CNTN5: variants seen among roughly 807,000 people sequenced by gnomAD.
CNTN5 encodes the protein contactin 5, also known as contactin-5.
In CNTN5, 77 loss-of-function variants were observed where a neutral mutation model predicts 129.1. That is an observed-to-expected ratio of 0.60 (90% CI 0.50 to 0.72). The LOEUF (loss-of-function observed/expected upper bound fraction) is 0.72. CNTN5 is among the 30% of genes least tolerant of loss of function. The probability of loss-of-function intolerance (pLI) is 0.00; values close to 1 mark genes in which losing one functional copy is unlikely to be tolerated. For missense variants in CNTN5, 1,478 were observed against 1,328.8 expected, an observed-to-expected ratio of 1.11 and a Z score of -1.75; for synonymous variants, 509 against 465.6, an observed-to-expected ratio of 1.09 and a Z score of -1.20.
At chr11:99,145,780 C>CT (rs1859756185) in intron 1 of CNTN5, among the ~76,000 whole-genome samples, 1 of 152,066 alleles carries the variant, frequency 6.6e-6, no homozygotes, top group East Asian at 1.9e-4. Context: ...TCCTCCTCAA[C>CT]TGATTATCTA....
intron 9 of CNTN5, among the ~76,000 whole-genome samples, chr11:100,019,444 A>G (rs936010735): frequency 6.6e-6 from 1 of 151,994 alleles, no homozygotes; most frequent in African/African-American, 2.4e-5. Flanking sequence ...ATCATGCAAT[A>G]TTCGCGTTTC....
chr11:99,303,059 TATAA>T (rs1864714403), intron 1 of CNTN5, among the ~76,000 whole-genome samples: 2 of 151,932 alleles, frequency 1.3e-5, no homozygotes, highest in Non-Finnish European at 3.0e-5. Context: ...CACAAAATTA[TATAA>T]ATAACTAGTC....
chr11:99,054,393 T>C (rs1162815266), intron 1 of CNTN5, among the ~76,000 whole-genome samples: 1 of 151,926 alleles, frequency 6.6e-6, no homozygotes, highest in Non-Finnish European at 1.5e-5. Context: ...GGGCCTTACT[T>C]TGAACTCATT....
chr11:99,710,842 G>T (rs1954955746), intron 3 of CNTN5, among the ~76,000 whole-genome samples: 2 of 151,944 alleles, frequency 1.3e-5, no homozygotes, highest in South Asian at 4.1e-4. Flanking sequence ...AAATCCTTTA[G>T]AAGTAAATTT....
rs56333000 is a variant in CNTN5, at chr11:100,356,402, G to A, written c.*182G>A. 3 of 590,284 alleles carry A rather than the reference G, an allele frequency of 5.1e-6. No homozygotes were observed. The highest frequency in any genetic ancestry group is 1.9e-5 in the African/African-American group (1 of 53,216). The allele number at this position is 590,284 out of a possible 1,614,324, so 36.6% of individuals were successfully genotyped here. A position where few individuals can be genotyped will look rare whatever the true frequency, so the allele number is the denominator to read the frequency against. ...TACTTATCCATCAGGTTTCTCTTTG[G>A]TTTTTGTAAACGGAGAGGACAGTTC... On this transcript the variant is annotated 3_prime_UTR_variant, in exon 25 of 25. Transcript: ENST00000524871.
intron 3 of CNTN5, among the ~76,000 whole-genome samples, chr11:99,673,897 G>A (rs1953157653): frequency 2.0e-5 from 3 of 152,142 alleles, no homozygotes; most frequent in Admixed American, 2.0e-4. Context: ...ATTGTGAATA[G>A]TGCTGCAATG....
intron 7 of CNTN5, among the ~76,000 whole-genome samples, chr11:99,943,752 C>T (rs746980955): frequency 7.2e-5 from 11 of 151,980 alleles, no homozygotes; most frequent in Non-Finnish European, 1.0e-4. Flanking sequence ...TTCTGCATAT[C>T]GCTACCCAGT....
At chr11:100,044,170 GTA>G (rs3061791) in intron 9 of CNTN5, among the ~76,000 whole-genome samples, 125,142 of 150,078 alleles carry the variant, frequency 0.83, 52,189 homozygotes, top group African/African-American at 0.87. Flanking sequence ...TACATATCAT[GTA>G]TATATATATA....
intron 8 of CNTN5, among the ~76,000 whole-genome samples, chr11:99,976,015 G>A (rs994773323): frequency 6.6e-6 from 1 of 152,198 alleles, no homozygotes; most frequent in African/African-American, 2.4e-5. Flanking sequence ...GTTACAATGT[G>A]GGTATAGGCA....
chr11:99,421,271 G>C (rs2135054505), intron 2 of CNTN5, among the ~76,000 whole-genome samples: 1 of 152,094 alleles, frequency 6.6e-6, no homozygotes, highest in Non-Finnish European at 1.5e-5. Flanking sequence ...TTGTGGAAGA[G>C]AGGTGAAACA....
chr11:99,187,067 T>A lies in CNTN5; in HGVS notation c.-209-138279T>A, dbSNP rs1189050965. 6.6e-5 allele frequency among the ~76,000 whole-genome samples: 10 copies of A among 152,000 alleles called. No individual in the cohort carries two copies. The East Asian group carries it at 1.9e-3, about 29-fold the overall frequency. ...CAGAGGCAACTGAACAGGAAGTACCTGGAGGTACTGAGATGTTCAGGAGCA... is the reference window on the plus strand; with the variant it reads ...CAGAGGCAACTGAACAGGAAGTACCAGGAGGTACTGAGATGTTCAGGAGCA... On this transcript the variant is annotated intron_variant, in intron 1 of 24. Coordinates refer to ENST00000524871, the MANE Select transcript of CNTN5 (RefSeq NM_014361.4).
At chr11:100,165,335 C>T (rs1947594221) in intron 13 of CNTN5, among the ~76,000 whole-genome samples, 1 of 151,722 alleles carries the variant, frequency 6.6e-6, no homozygotes, top group East Asian at 1.9e-4. Flanking sequence ...GCCCTCTCCT[C>T]TGTTATCAGT....
chr11:99,486,261 C>T (rs747404355), intron 2 of CNTN5, among the ~76,000 whole-genome samples: 28 of 152,054 alleles, frequency 1.8e-4, no homozygotes, highest in Admixed American at 6.6e-4. Context: ...TTTAGATACT[C>T]TGACTTGCTG....
chr11:100,040,077 T>C (rs971661350), intron 9 of CNTN5, among the ~76,000 whole-genome samples: 2 of 151,892 alleles, frequency 1.3e-5, no homozygotes, highest in African/African-American at 4.8e-5. Flanking sequence ...TTTCTGCTCT[T>C]TTTTTTTCCC....
intron 1 of CNTN5, among the ~76,000 whole-genome samples, chr11:99,232,691 A>C (rs890636528): frequency 6.6e-6 from 1 of 152,088 alleles, no homozygotes; most frequent in Non-Finnish European, 1.5e-5. Context: ...TTTTAAGTTA[A>C]TGAGGGATAT....
intron 8 of CNTN5, among the ~76,000 whole-genome samples, chr11:99,970,844 C>T (rs1196283018): frequency 1.3e-5 from 2 of 152,100 alleles, no homozygotes; most frequent in African/African-American, 4.8e-5. Context: ...TTGGGAGGAG[C>T]TTTATAGTCC....
chr11:99,796,472 A>G (rs1945945189), intron 3 of CNTN5, among the ~76,000 whole-genome samples: 1 of 152,008 alleles, frequency 6.6e-6, no homozygotes, highest in South Asian at 2.1e-4. Flanking sequence ...AGTGCGAGTG[A>G]CCTGGTGCAC....
chr11:99,432,435 C>CT lies in CNTN5; in HGVS notation c.-71+106954dup, dbSNP rs1253349065. ...TGTTTCTTTCTTTTCTTTTCCTTTT[C>CT]TTTCCTTTTCTTTTCTTTTCTTTTC... is the stretch of plus-strand genomic sequence containing the variant. On this transcript the variant is annotated intron_variant, in intron 2 of 24. Coordinates refer to ENST00000524871, the MANE Select transcript of CNTN5 (RefSeq NM_014361.4). Among the ~76,000 whole-genome samples the CT allele has an allele frequency of 8.0e-3, 1,173 of 147,166 alleles. 18 individuals are homozygous for CT. The highest frequency in any genetic ancestry group is 0.028 in the African/African-American group (1,127 of 40,076).
intron 3 of CNTN5, among the ~76,000 whole-genome samples, chr11:99,600,647 C>G (rs563359435): frequency 6.6e-6 from 1 of 152,246 alleles, no homozygotes; most frequent in South Asian, 2.1e-4. Context: ...CCCTCTACAA[C>G]TATAATACCA....
Sources: gnomAD v4.1 joint callset for allele counts (sites outside exome capture counted in the v4.1 genomes callset) on GRCh38, gnomAD v4.1.1 for gene constraint, MANE v1.5 for transcripts, NCBI Gene and HGNC (gene_info 2026-07-23, HGNC 2026-07-21) for gene names.